RER1: variants seen among roughly 807,000 people sequenced by gnomAD.
The protein encoded by RER1 is retention in endoplasmic reticulum sorting receptor 1.
Under a neutral mutation model 28.3 loss-of-function variants are expected in RER1, and 6 were observed. The ratio of observed to expected loss-of-function variants is 0.21; its 90% CI spans 0.12 to 0.42. The LOEUF is 0.42. Among genes scored for constraint, RER1 ranks in the 10% least tolerant of loss-of-function variants. The pLI, the probability that RER1 is intolerant of heterozygous loss-of-function variation, is 1.00. For synonymous variants in RER1, 110 were observed against 95.9 expected (o/e 1.15, Z -0.86); for missense variants, 159 against 252.9 (o/e 0.63, Z 2.52).
At chr1:2,401,253 T>TCCTCCCTCCTTCCTCCCTCCTCCAC (rs1642847646) in intron 5 of RER1, among the ~76,000 whole-genome samples, 1 of 5,608 alleles carries the variant, frequency 1.8e-4, no homozygotes, top group East Asian at 6.0e-3. Context: ...CCTCCCTCCT[T>TCCTCCCTCCTTCCTCCCTCCTCCAC]CCTCCCTCCT....
intron 6 of RER1, among the ~76,000 whole-genome samples, 196 bp from the exon 7 acceptor site, chr1:2,402,839 G>C (rs1276249304): frequency 6.6e-6 from 1 of 152,212 alleles, no homozygotes; most frequent in South Asian, 2.1e-4. Flanking sequence ...TGGGATTGAT[G>C]GGGTTTCAAA....
At position 2,397,145 on chromosome 1, in the gene RER1, A is replaced by G; in HGVS notation, c.111A>G (p.Thr37=). ...QIYQSWLDKS[T]PYTAVRWVVT... ...ATCAGTCCTGGCTAGACAAGTCCAC[A>G]CCCTACACGGCTGTGCGATGGGTCG... Residue 37 remains threonine, a synonymous_variant, in exon 3 of 7, where the codon ACA becomes ACG. Coordinates refer to ENST00000605895, the MANE Select transcript of RER1 (RefSeq NM_007033.5). 1 of 1,613,618 alleles carries G rather than the reference A, an allele frequency of 6.2e-7. No individual in the cohort carries two copies. Among genetic ancestry groups the G allele is most frequent in the South Asian group, 1.1e-5 (1 of 91,058 alleles).
chr1:2,401,952 A>G lies in RER1; in HGVS notation c.366-255A>G. 2.8e-6 allele frequency: 4 copies of G among 1,415,572 alleles called. No homozygotes were observed. In the East Asian group the frequency reaches 1.0e-4, roughly 35 times the overall value. The allele number at this position is 1,415,572 out of a possible 1,614,324, so 87.7% of individuals were successfully genotyped here. A position where few individuals can be genotyped will look rare whatever the true frequency, so the allele number is the denominator to read the frequency against. On this transcript the variant is annotated intron_variant, in intron 5 of 6. Coordinates refer to ENST00000605895, the MANE Select transcript of RER1 (RefSeq NM_007033.5). ...CCCCCAGCCTCAGTACTGATGCTTT[A>G]TACTTTGTGTAGTTTTAAGAAGAAT...
At chr1:2,400,831 T>C (rs372657483) in intron 4 of RER1, 26 bp from the exon 5 acceptor site, 22 of 1,596,128 alleles carry the variant, frequency 1.4e-5, no homozygotes, top group Non-Finnish European at 1.7e-5. Context: ...AGAGGTGCCC[T>C]CCCTGATGGT....
At chr1:2,399,012 T>A (rs1642807815) in intron 3 of RER1, among the ~76,000 whole-genome samples, 1 of 152,218 alleles carries the variant, frequency 6.6e-6, no homozygotes, top group African/African-American at 2.4e-5. Context: ...AAGCTGCTCC[T>A]GGGTGGGGCT....
chr1:2,398,856 T>C (rs1213068396), intron 3 of RER1, among the ~76,000 whole-genome samples: 3 of 152,264 alleles, frequency 2.0e-5, no homozygotes, highest in Admixed American at 6.5e-5. Flanking sequence ...AAGCACACTT[T>C]TCTGGATTTC....
chr1:2,394,297 C>T (rs1642736330), intron 1 of RER1: 1 of 152,268 alleles, frequency 6.6e-6, no homozygotes, highest in Non-Finnish European at 1.5e-5. Flanking sequence ...CATGGAGCCA[C>T]ATTCTGCACA....
chr1:2,391,891 C>G lies in RER1; in HGVS notation c.-75C>G, dbSNP rs368031199. On this transcript the variant is annotated 5_prime_UTR_variant, in exon 1 of 7. Transcript: ENST00000605895. ...CCGGAGCGCAGCGCCTGCGGCCGCC[C>G]GTGCCCCGCCGTCCTCCTTCCCGCG... 8.2e-5 allele frequency: 19 copies of G among 232,766 alleles called. No individual in the cohort carries two copies. In the East Asian group the frequency reaches 9.0e-4, roughly 11 times the overall value. The allele number at this position is 232,766 out of a possible 1,614,324, so 14.4% of individuals were successfully genotyped here. A position where few individuals can be genotyped will look rare whatever the true frequency, so the allele number is the denominator to read the frequency against.
intron 3 of RER1, among the ~76,000 whole-genome samples, chr1:2,398,479 C>T (rs1453572307): frequency 6.6e-6 from 1 of 152,240 alleles, no homozygotes; most frequent in Non-Finnish European, 1.5e-5. Context: ...ACCTCCACCT[C>T]CTGGGTTCAA....
intron 1 of RER1, among the ~76,000 whole-genome samples, chr1:2,392,649 C>T (rs1642700491): frequency 2.0e-5 from 3 of 152,192 alleles, no homozygotes; most frequent in South Asian, 4.1e-4. Flanking sequence ...TAGAGACTGG[C>T]CGCTAGTCCT....
chr1:2,400,997 T>C, intron 5 of RER1, 62 bp downstream of exon 5: 1 of 1,406,886 alleles, frequency 7.1e-7, no homozygotes, highest in South Asian at 1.1e-5. Flanking sequence ...AGACTGAGAC[T>C]ACACTGATTT....
At position 2,404,683 on chromosome 1, in the gene RER1, G is replaced by A. The variant is rs898204055; in HGVS notation, c.*1559G>A. On this transcript the variant is annotated 3_prime_UTR_variant, in exon 7 of 7. Transcript: ENST00000605895. ...TCAAACAGCAAGACATGGTTTGCGCGGGTCTTTGCCGGAAGCCGGTCCTGC... is the reference window on the plus strand; with the variant it reads ...TCAAACAGCAAGACATGGTTTGCGCAGGTCTTTGCCGGAAGCCGGTCCTGC... 2.0e-4 allele frequency: 31 copies of A among 152,260 alleles called. 1 individual carries two copies. The highest frequency in any genetic ancestry group is 4.4e-5 in the Non-Finnish European group (3 of 68,050). 9.4% of individuals were successfully genotyped at this position (152,260 alleles called of 1,614,324 possible).
chr1:2,392,808 A>G (rs1309826507), intron 1 of RER1, among the ~76,000 whole-genome samples: 1 of 152,206 alleles, frequency 6.6e-6, no homozygotes, highest in Non-Finnish European at 1.5e-5. Flanking sequence ...AGTGTGTCAG[A>G]GCCAGGTGGA....
rs906989044 is a variant in RER1 at position 2,404,973 on chromosome 1, T to TCGCCTGCCCAGCAGGC, written c.*1851_*1866dup. On this transcript the variant is annotated 3_prime_UTR_variant, in exon 7 of 7. Transcript: ENST00000605895. The stretch of plus-strand genomic sequence containing the variant: ...ACAGCAGTGACCGTGGGTCAGCAGG[T>TCGCCTGCCCAGCAGGC]CGCCTGCCCAGCAGGCCCCCCAGGA... 1.9e-5 allele frequency: 3 copies of TCGCCTGCCCAGCAGGC among 154,304 alleles called. No homozygotes were observed. The highest frequency in any genetic ancestry group is 7.2e-5 in the African/African-American group (3 of 41,448). The allele number at this position is 154,304 out of a possible 1,614,324, so 9.6% of individuals were successfully genotyped here. A position where few individuals can be genotyped will look rare whatever the true frequency, so the allele number is the denominator to read the frequency against.
At chr1:2,399,131 T>C (rs1341264962) in intron 3 of RER1, among the ~76,000 whole-genome samples, 1 of 152,212 alleles carries the variant, frequency 6.6e-6, no homozygotes, top group Non-Finnish European at 1.5e-5. Flanking sequence ...GTGGGGCGTC[T>C]GTGGCTTCAG....
Position 2,403,265 on chromosome 1 carries a change from GA to G in RER1, c.*144del, listed in dbSNP as rs1642900335. ...AAAGGAGCTTCAATGATTTGTAACT[GA>G]AATATCAGGTTCTAGAAGAAACTGG... On this transcript the variant is annotated 3_prime_UTR_variant, in exon 7 of 7. Transcript: ENST00000605895. 5 of 640,248 alleles carry G rather than the reference GA, an allele frequency of 7.8e-6. No homozygotes were observed. The highest frequency in any genetic ancestry group is 1.4e-5 in the Non-Finnish European group (5 of 355,468). 39.7% of individuals were successfully genotyped at this position (640,248 alleles called of 1,614,324 possible). A position where few individuals can be genotyped will look rare whatever the true frequency, so the allele number is the denominator to read the frequency against.
chr1:2,392,837 C>T (rs1642705246), intron 1 of RER1, among the ~76,000 whole-genome samples: 1 of 152,086 alleles, frequency 6.6e-6, no homozygotes, highest in Non-Finnish European at 1.5e-5. Flanking sequence ...ATGGTCAGGC[C>T]CAGAGGAGCG....
At chr1:2,400,260 G>T (rs1239421421) in intron 4 of RER1, among the ~76,000 whole-genome samples, 1 of 152,258 alleles carries the variant, frequency 6.6e-6, no homozygotes, top group East Asian at 1.9e-4. Flanking sequence ...TGTGTGGCCA[G>T]AAGCCTGTGA....
At chr1:2,402,918 A>T (rs917743142) in intron 6 of RER1, 117 bp from the exon 7 acceptor site, 1 of 806,014 alleles carries the variant, frequency 1.2e-6, no homozygotes, top group Non-Finnish European at 2.1e-6. Flanking sequence ...TGGGGCTCCG[A>T]TTCCACTTGT....
Sources: gnomAD v4.1 joint callset for allele counts (sites outside exome capture counted in the v4.1 genomes callset) on GRCh38, gnomAD v4.1.1 for gene constraint, MANE v1.5 for transcripts, NCBI Gene and HGNC (gene_info 2026-07-23, HGNC 2026-07-21) for gene names.